The following ARHGAP15 variants were observed in gnomAD, a reference collection of about 807,000 sequenced individuals.
ARHGAP15 encodes the protein Rho GTPase activating protein 15.
Under a neutral mutation model 63.7 loss-of-function variants are expected in ARHGAP15, and 51 were observed. The ratio of observed to expected loss-of-function variants is 0.80; its 90% CI spans 0.64 to 1.01. The LOEUF (loss-of-function observed/expected upper bound fraction) is 1.01. Among genes scored for constraint, ARHGAP15 ranks in the 50% least tolerant of loss-of-function variants. The probability of loss-of-function intolerance (pLI) is 0.00; values close to 1 mark genes in which losing one functional copy is unlikely to be tolerated. For missense variants in ARHGAP15, 560 were observed against 564.6 expected (o/e 0.99, Z 0.08); for synonymous variants, 191 against 193.8 (o/e 0.99, Z 0.12).
intron 6 of ARHGAP15, among the ~76,000 whole-genome samples, chr2:143,304,109 T>C (rs1001882192): frequency 6.6e-6 from 1 of 152,122 alleles, no homozygotes; most frequent in Non-Finnish European, 1.5e-5. Flanking sequence ...ACTGGATATA[T>C]ACTTAAAGGA....
intron 6 of ARHGAP15, among the ~76,000 whole-genome samples, chr2:143,270,892 CAT>C (rs950567497): frequency 1.3e-5 from 2 of 152,112 alleles, no homozygotes; most frequent in Non-Finnish European, 2.9e-5. Flanking sequence ...ATTTATCAGT[CAT>C]ATTCAAAATA....
intron 2 of ARHGAP15, 44 bp from the exon 3 acceptor site, chr2:143,202,090 C>A: frequency 4.0e-6 from 6 of 1,492,208 alleles, no homozygotes; most frequent in Non-Finnish European, 5.6e-6. Flanking sequence ...TAAACTCTAT[C>A]AAGAAAAATT....
At chr2:143,300,175 G>C (rs1460587593) in intron 6 of ARHGAP15, among the ~76,000 whole-genome samples, 3 of 152,004 alleles carry the variant, frequency 2.0e-5, no homozygotes, top group South Asian at 2.1e-4. Context: ...TACCTATGTA[G>C]AAGGGACCAG....
At chr2:143,537,210 C>CT (rs949156037) in intron 10 of ARHGAP15, among the ~76,000 whole-genome samples, 7 of 151,980 alleles carry the variant, frequency 4.6e-5, no homozygotes, top group African/African-American at 1.7e-4. Flanking sequence ...CCTTTGCCCA[C>CT]TTTTTGACGA....
At chr2:143,647,099 TA>T (rs1680915752) in intron 12 of ARHGAP15, among the ~76,000 whole-genome samples, 1 of 152,010 alleles carries the variant, frequency 6.6e-6, no homozygotes, top group Admixed American at 6.6e-5. Context: ...CTTACCCTCA[TA>T]AGCATTAAAA....
intron 6 of ARHGAP15, among the ~76,000 whole-genome samples, chr2:143,406,079 C>G (rs374294281): frequency 6.6e-4 from 100 of 151,752 alleles, no homozygotes; most frequent in African/African-American, 2.1e-3. Flanking sequence ...TTTCAATTTT[C>G]TTTTTCAATT....
chr2:143,404,372 G>C (rs1480662879), intron 6 of ARHGAP15, among the ~76,000 whole-genome samples: 2 of 151,874 alleles, frequency 1.3e-5, no homozygotes, highest in Non-Finnish European at 2.9e-5. Flanking sequence ...AAATTTGATA[G>C]AGACCCTAAG....
At chr2:143,218,047 A>T (rs1217812750) in intron 4 of ARHGAP15, among the ~76,000 whole-genome samples, 3 of 152,264 alleles carry the variant, frequency 2.0e-5, no homozygotes, top group Non-Finnish European at 4.4e-5. Context: ...GAGGAAGCAG[A>T]GAAGAACAGG....
At chr2:143,681,399 G>A (rs1238290970) in intron 12 of ARHGAP15, among the ~76,000 whole-genome samples, 4 of 152,196 alleles carry the variant, frequency 2.6e-5, no homozygotes, top group African/African-American at 7.2e-5. Context: ...TGGGTAAAAT[G>A]AGGAGACTGG....
At chr2:143,492,838 C>T (rs1574525695) in intron 9 of ARHGAP15, among the ~76,000 whole-genome samples, 4 of 152,054 alleles carry the variant, frequency 2.6e-5, no homozygotes, top group Non-Finnish European at 4.4e-5. Context: ...GGGCAGATCA[C>T]GAGGTCAGGA....
In ARHGAP15 at chr2:143,437,874, A is replaced by G. The variant is rs992746825; in HGVS notation, c.703+832A>G. 4.6e-5 allele frequency among the ~76,000 whole-genome samples: 7 copies of G among 152,244 alleles called. No homozygotes were observed. The East Asian group carries it at 1.4e-3, about 29-fold the overall frequency. ...CTCCATCTCTACTAAAACTACAAAAATAAGCTGGGCATGGTGGCACGTGCC... is the reference window on the plus strand; with the variant it reads ...CTCCATCTCTACTAAAACTACAAAAGTAAGCTGGGCATGGTGGCACGTGCC... On this transcript the variant is annotated intron_variant, in intron 8 of 13. Coordinates refer to ENST00000295095, the MANE Select transcript of ARHGAP15 (RefSeq NM_018460.4).
intron 12 of ARHGAP15, among the ~76,000 whole-genome samples, chr2:143,702,410 AT>A (rs1034077155): frequency 1.3e-5 from 2 of 151,616 alleles, no homozygotes; most frequent in African/African-American, 2.4e-5. Flanking sequence ...TGCTATTTCA[AT>A]TTTTTTTTCT....
intron 12 of ARHGAP15, among the ~76,000 whole-genome samples, chr2:143,690,793 C>G (rs529130855): frequency 4.6e-5 from 7 of 152,220 alleles, no homozygotes; most frequent in African/African-American, 1.7e-4. Flanking sequence ...AAAATACCAT[C>G]CAGATGCTCA....
At chr2:143,618,794 A>G (rs1698540674) in intron 11 of ARHGAP15, among the ~76,000 whole-genome samples, 1 of 151,992 alleles carries the variant, frequency 6.6e-6, no homozygotes, top group African/African-American at 2.4e-5. Flanking sequence ...ACCAATACCT[A>G]CAAAGCAATA....
At chr2:143,673,783 T>TATATATATATATATATATATATAA (rs1331843273) in intron 12 of ARHGAP15, among the ~76,000 whole-genome samples, 1 of 121,120 alleles carries the variant, frequency 8.3e-6, no homozygotes, top group African/African-American at 2.8e-5. Flanking sequence ...TATATATATA[T>TATATATATATATATATATATATAA]AAACAACTCC....
At chr2:143,350,574 C>T (rs1296218911) in intron 6 of ARHGAP15, among the ~76,000 whole-genome samples, 1 of 150,392 alleles carries the variant, frequency 6.6e-6, no homozygotes, top group Non-Finnish European at 1.5e-5. Context: ...AATCCCAGCA[C>T]TTTGGGAGGC....
chr2:143,264,480 G>A (rs1356723397), intron 6 of ARHGAP15, among the ~76,000 whole-genome samples: 1 of 152,086 alleles, frequency 6.6e-6, no homozygotes, highest in Admixed American at 6.6e-5. Context: ...GAGTCAAGGA[G>A]CTCACATGAC....
chr2:143,232,041 A>G (rs1316037242), intron 5 of ARHGAP15, among the ~76,000 whole-genome samples: 1 of 152,204 alleles, frequency 6.6e-6, no homozygotes, highest in Non-Finnish European at 1.5e-5. Flanking sequence ...CAATCCTTAA[A>G]AATATCCAAG....
chr2:143,387,421 TA>T (rs1437030060), intron 6 of ARHGAP15, among the ~76,000 whole-genome samples: 1 of 152,108 alleles, frequency 6.6e-6, no homozygotes, highest in African/African-American at 2.4e-5. Flanking sequence ...GTGAACTCTT[TA>T]AAAAAATAAA....
Sources: gnomAD v4.1 joint callset for allele counts (sites outside exome capture counted in the v4.1 genomes callset) on GRCh38, gnomAD v4.1.1 for gene constraint, MANE v1.5 for transcripts, NCBI Gene and HGNC (gene_info 2026-07-23, HGNC 2026-07-21) for gene names.